The following IL15 variants were observed in gnomAD, a reference collection of about 807,000 sequenced individuals.
The protein encoded by IL15 is interleukin-15.
IL15 carries 11 observed loss-of-function variants against 19.6 expected under a neutral mutation model. The ratio of observed to expected loss-of-function variants is 0.56; its 90% CI spans 0.35 to 0.93. The LOEUF is 0.93. Ranked by LOEUF, IL15 falls within the 40% of genes least tolerant of loss-of-function variation. The probability of loss-of-function intolerance (pLI) is 0.01; values close to 1 mark genes in which losing one functional copy is unlikely to be tolerated. For missense variants in IL15, 197 were observed against 186.5 expected, an observed-to-expected ratio of 1.06 and a Z score of -0.33; for synonymous variants, 58 against 59.6, an observed-to-expected ratio of 0.97 and a Z score of 0.12.
At chr4:141,719,552 A>G in intron 3 of IL15, 76 bp downstream of exon 3, 2 of 1,167,198 alleles carry the variant, frequency 1.7e-6, no homozygotes, top group Non-Finnish European at 1.2e-6. Context: ...TCTTTGCAAT[A>G]AGTTACATGG....
intron 1 of IL15, among the ~76,000 whole-genome samples, chr4:141,648,107 G>A (rs1471678937): frequency 6.6e-6 from 1 of 151,976 alleles, no homozygotes; most frequent in Non-Finnish European, 1.5e-5. Flanking sequence ...CTGAGAAAAG[G>A]AGTTTGACCA....
At chr4:141,671,746 A>C (rs1283130985) in intron 2 of IL15, among the ~76,000 whole-genome samples, 2 of 152,204 alleles carry the variant, frequency 1.3e-5, no homozygotes, top group African/African-American at 2.4e-5. Flanking sequence ...TATTTTTGCC[A>C]TATCCTGTTG....
intron 2 of IL15, among the ~76,000 whole-genome samples, chr4:141,683,754 A>G (rs528718919): frequency 1.1e-4 from 16 of 152,308 alleles, no homozygotes; most frequent in African/African-American, 3.8e-4. Flanking sequence ...TTAGAATAAC[A>G]GTTATTTGAA....
intron 2 of IL15, among the ~76,000 whole-genome samples, chr4:141,668,661 T>C (rs1339346691): frequency 6.6e-6 from 1 of 152,140 alleles, no homozygotes; most frequent in East Asian, 1.9e-4. Context: ...CTTCCTTTTT[T>C]CTCTTTGCCT....
At chr4:141,703,315 A>C (rs961285442) in intron 2 of IL15, among the ~76,000 whole-genome samples, 1 of 152,068 alleles carries the variant, frequency 6.6e-6, no homozygotes, top group Non-Finnish European at 1.5e-5. Flanking sequence ...AAATTATATC[A>C]CAAATTCAGC....
At chr4:141,693,510 A>T (rs1276611915) in intron 2 of IL15, among the ~76,000 whole-genome samples, 1 of 152,250 alleles carries the variant, frequency 6.6e-6, no homozygotes, top group Non-Finnish European at 1.5e-5. Flanking sequence ...TAACACTAAT[A>T]GGTCCCTAAA....
intron 2 of IL15, among the ~76,000 whole-genome samples, chr4:141,705,792 C>T (rs1729494389): frequency 6.7e-6 from 1 of 149,466 alleles, no homozygotes; most frequent in African/African-American, 2.4e-5. Context: ...ATTGTTACAT[C>T]CTCTTATTGA....
chr4:141,677,808 A>G (rs534312055), intron 2 of IL15, among the ~76,000 whole-genome samples: 80 of 152,166 alleles, frequency 5.3e-4, no homozygotes, highest in Non-Finnish European at 6.3e-4. Context: ...AAATCTCTCT[A>G]TGTTAAGGTT....
chr4:141,697,002 G>C (rs575235638), intron 2 of IL15, among the ~76,000 whole-genome samples: 1 of 152,146 alleles, frequency 6.6e-6, no homozygotes, highest in South Asian at 2.1e-4. Flanking sequence ...CTGTGCAGAA[G>C]CTTTTTAGTT....
intron 1 of IL15, among the ~76,000 whole-genome samples, chr4:141,641,190 C>T (rs140898575): frequency 2.0e-5 from 3 of 152,164 alleles, no homozygotes; most frequent in African/African-American, 7.2e-5. Context: ...TTTCCTGACT[C>T]ATCTGCAACA....
chr4:141,654,566 C>T (rs1333111648), intron 1 of IL15, among the ~76,000 whole-genome samples: 1 of 152,164 alleles, frequency 6.6e-6, no homozygotes, highest in Admixed American at 6.6e-5. Context: ...TTCTTTGCAT[C>T]TATTTCCATT....
At chr4:141,674,494 G>A (rs894285805) in intron 2 of IL15, among the ~76,000 whole-genome samples, 1 of 152,040 alleles carries the variant, frequency 6.6e-6, no homozygotes, top group Non-Finnish European at 1.5e-5. Flanking sequence ...GCTGAGGCAG[G>A]AGAATCGCTT....
chr4:141,651,660 T>A (rs1291749330), intron 1 of IL15, among the ~76,000 whole-genome samples: 1 of 152,140 alleles, frequency 6.6e-6, no homozygotes, highest in Non-Finnish European at 1.5e-5. Flanking sequence ...TATAACTGAA[T>A]AGAGATAATT....
intron 2 of IL15, among the ~76,000 whole-genome samples, chr4:141,678,438 A>G (rs1728424005): frequency 6.6e-6 from 1 of 150,728 alleles, no homozygotes; most frequent in Non-Finnish European, 1.5e-5. Context: ...GAGTGACCAT[A>G]ATGTGCTAAG....
chr4:141,727,969 G>T lies in IL15; in HGVS notation c.225G>T (p.Thr75=), dbSNP rs143236056. ...TGCATATTGATGCTACTTTATATAC[G>T]GAAAGTGATGTTCACGTGAGTATAC... is the stretch of plus-strand genomic sequence containing the variant. ...QSMHIDATLY[T]ESDVHPSCKV... The change falls in exon 6 of 8, where the codon ACG becomes ACT. Residue 75 remains threonine (T), a synonymous_variant. Coordinates refer to ENST00000320650, the MANE Select transcript of IL15 (RefSeq NM_000585.5). 7.4e-7 allele frequency: 1 copy of T among 1,359,690 alleles called. No individual in the cohort carries two copies. Among genetic ancestry groups the T allele is most frequent in the Non-Finnish European group, 1.0e-6 (1 of 969,876 alleles). 84.2% of individuals were successfully genotyped at this position (1,359,690 alleles called of 1,614,324 possible).
At chr4:141,706,964 G>A (rs1729536100) in intron 2 of IL15, among the ~76,000 whole-genome samples, 1 of 152,096 alleles carries the variant, frequency 6.6e-6, no homozygotes, top group African/African-American at 2.4e-5. Context: ...TACTTGGGAA[G>A]CCTAAAGCTA....
rs1280278638 is a variant in IL15 at position 141,733,743 on chromosome 4, A to C, written c.*895A>C. 6.6e-6 allele frequency: 1 copy of C among 152,210 alleles called. No individual in the cohort carries two copies. Among genetic ancestry groups the C allele is most frequent in the African/African-American group, 2.4e-5 (1 of 41,468 alleles). 9.4% of individuals were successfully genotyped at this position (152,210 alleles called of 1,614,324 possible). A position where few individuals can be genotyped will look rare whatever the true frequency, so the allele number is the denominator to read the frequency against. ...TTGGATGCCCCTGGTATAGAAAACT[A>C]ATAGTGACAGTGTTCATATTTCATG... On this transcript the variant is annotated 3_prime_UTR_variant, in exon 8 of 8. Coordinates refer to ENST00000320650, the MANE Select transcript of IL15 (RefSeq NM_000585.5).
At chr4:141,721,059 A>T (rs575898193) in intron 4 of IL15, 50 of 1,076,560 alleles carry the variant, frequency 4.6e-5, no homozygotes, top group Non-Finnish European at 6.5e-5. Context: ...TCTCTCTTAG[A>T]TGCAGCTAAT....
At chr4:141,663,674 C>G (rs1414694703) in intron 2 of IL15, among the ~76,000 whole-genome samples, 1 of 152,154 alleles carries the variant, frequency 6.6e-6, no homozygotes, top group Non-Finnish European at 1.5e-5. Context: ...TATGGCCCAT[C>G]TGGAATGAAG....
Sources: allele counts gnomAD v4.1 joint callset (sites outside exome capture counted in the v4.1 genomes callset), GRCh38; gene constraint gnomAD v4.1.1; transcripts MANE v1.5; gene names NCBI Gene and HGNC (gene_info 2026-07-23, HGNC 2026-07-21).